The following ITGAV variants were observed in gnomAD, a reference collection of about 807,000 sequenced individuals.
ITGAV encodes integrin subunit alpha V.
ITGAV carries 76 observed loss-of-function variants against 143.8 expected under a neutral mutation model. The observed-to-expected ratio is 0.53, with a 90% CI of 0.44 to 0.64. ITGAV has a LOEUF of 0.64. ITGAV is among the 30% of genes least tolerant of loss of function. The pLI, the probability that ITGAV is intolerant of heterozygous loss-of-function variation, is 0.00. For missense variants in ITGAV, 1,193 were observed against 1,274.7 expected, an observed-to-expected ratio of 0.94 and a Z score of 0.98; for synonymous variants, 453 against 446.7, an observed-to-expected ratio of 1.01 and a Z score of -0.18.
chr2:186,626,969 T>G (rs935810509), intron 4 of ITGAV, among the ~76,000 whole-genome samples: 1 of 152,204 alleles, frequency 6.6e-6, no homozygotes, highest in Non-Finnish European at 1.5e-5. Context: ...AAGATAATTT[T>G]ATAGCTACGA....
chr2:186,611,359 T>G (rs1687211593), intron 2 of ITGAV, among the ~76,000 whole-genome samples: 1 of 152,178 alleles, frequency 6.6e-6, no homozygotes, highest in Non-Finnish European at 1.5e-5. Context: ...CACAGTGCCC[T>G]TTTATGTATT....
At chr2:186,629,124 T>C (rs1408392971) in intron 4 of ITGAV, among the ~76,000 whole-genome samples, 4 of 152,096 alleles carry the variant, frequency 2.6e-5, no homozygotes, top group African/African-American at 7.2e-5. Context: ...ATAATATTAC[T>C]ATTTGTAATA....
intron 14 of ITGAV, among the ~76,000 whole-genome samples, chr2:186,650,900 C>G (rs1490332994): frequency 3.3e-5 from 5 of 152,140 alleles, no homozygotes; most frequent in Non-Finnish European, 2.9e-5. Context: ...TAGTTTTAAT[C>G]TCTCTAAAAA....
chr2:186,621,998 A>G (rs781049486), intron 2 of ITGAV, among the ~76,000 whole-genome samples: 6 of 152,164 alleles, frequency 3.9e-5, no homozygotes, highest in Non-Finnish European at 7.4e-5. Flanking sequence ...GCCCCACCGA[A>G]AGATCTTCTG....
chr2:186,638,623 C>T (rs1688015128), intron 10 of ITGAV, among the ~76,000 whole-genome samples, 158 bp downstream of exon 10: 2 of 125,644 alleles, frequency 1.6e-5, no homozygotes, highest in Non-Finnish European at 3.4e-5. Flanking sequence ...TATCATTTCT[C>T]TTTTGAGCGT....
intron 2 of ITGAV, among the ~76,000 whole-genome samples, chr2:186,605,988 T>C (rs867076187): frequency 3.3e-5 from 5 of 152,076 alleles, no homozygotes; most frequent in African/African-American, 9.6e-5. Context: ...AGACTTCATT[T>C]TTTTACATTA....
In ITGAV at chr2:186,638,469, T is replaced by G. The variant is rs552005760; in HGVS notation, c.903+4T>G. The G allele has an allele frequency of 1.9e-6, 3 of 1,608,252 alleles. No individual in the cohort carries two copies. Among genetic ancestry groups the G allele is most frequent in the South Asian group, 2.2e-5 (2 of 90,872 alleles). On this transcript the variant is annotated splice_donor_region_variant and intron_variant, in intron 10 of 29. Transcript: ENST00000261023. ...ATACAATTTTACTGGCGAGCAGGTA[T>G]GCTTCCAAAATATGATCGTCCTCTC... is the stretch of plus-strand genomic sequence containing the variant.
intron 5 of ITGAV, among the ~76,000 whole-genome samples, chr2:186,632,731 C>G (rs1030254333): frequency 6.6e-6 from 1 of 151,826 alleles, no homozygotes; most frequent in African/African-American, 2.4e-5. Context: ...AGAAAATTTG[C>G]TGTATAGTCA....
intron 26 of ITGAV, among the ~76,000 whole-genome samples, chr2:186,671,426 A>G (rs755253454): frequency 2.0e-5 from 3 of 151,944 alleles, no homozygotes; most frequent in Non-Finnish European, 2.9e-5. Context: ...TTGCTCTTCC[A>G]TCTGCCTGGA....
At chr2:186,631,013 G>A (rs1223419633) in intron 5 of ITGAV, among the ~76,000 whole-genome samples, 155 bp downstream of exon 5, 4 of 151,994 alleles carry the variant, frequency 2.6e-5, no homozygotes, top group Non-Finnish European at 5.9e-5. Flanking sequence ...GACATTCTTT[G>A]TCTTATATTA....
chr2:186,650,342 A>C (rs1688390084), intron 14 of ITGAV, among the ~76,000 whole-genome samples: 1 of 152,076 alleles, frequency 6.6e-6, no homozygotes. Context: ...GTGGGGTTAC[A>C]GGCACATGCT....
chr2:186,664,679 A>T, intron 20 of ITGAV, 38 bp downstream of exon 20: 1 of 1,612,668 alleles, frequency 6.2e-7, no homozygotes, highest in Non-Finnish European at 8.5e-7. Context: ...AAATGCACTC[A>T]CGGATCTTAT....
chr2:186,623,852 C>T (rs1030647508), intron 3 of ITGAV, among the ~76,000 whole-genome samples: 1 of 152,144 alleles, frequency 6.6e-6, no homozygotes, highest in Non-Finnish European at 1.5e-5. Context: ...GCTATTTCTA[C>T]CCTGCAACAA....
In ITGAV at chr2:186,676,942, A is replaced by C; in HGVS notation, c.3051+7A>C. ...GGTATTTGTAATGTACAGGGTAAGTAACGGACTTAGAAAGAAGGAGAGAGG... is the reference window on the plus strand; with the variant it reads ...GGTATTTGTAATGTACAGGGTAAGTCACGGACTTAGAAAGAAGGAGAGAGG... On this transcript the variant is annotated splice_region_variant and intron_variant, in intron 29 of 29. Coordinates refer to ENST00000261023, the MANE Select transcript of ITGAV (RefSeq NM_002210.5). 8 of 1,612,414 alleles carry C rather than the reference A, an allele frequency of 5.0e-6. No homozygotes were observed. The highest frequency in any genetic ancestry group is 6.8e-6 in the Non-Finnish European group (8 of 1,179,374).
intron 1 of ITGAV, among the ~76,000 whole-genome samples, chr2:186,596,589 G>C (rs1686755527): frequency 6.6e-6 from 1 of 151,872 alleles, no homozygotes; most frequent in Non-Finnish European, 1.5e-5. Context: ...AGTAGAGATG[G>C]GGTTTCACCA....
chr2:186,658,990 A>C (rs200135557), intron 17 of ITGAV, 48 bp from the exon 18 acceptor site: 82 of 1,484,504 alleles, frequency 5.5e-5, no homozygotes, highest in Admixed American at 2.6e-4. Context: ...ATTTCTCCAG[A>C]TAATTTAGGT....
At position 186,676,954 on chromosome 2, in the gene ITGAV, A is replaced by C; in HGVS notation, c.3051+19A>C. The C allele has an allele frequency of 6.2e-7, 1 of 1,604,614 alleles. No individual in the cohort carries two copies. Among genetic ancestry groups the C allele is most frequent in the Non-Finnish European group, 8.5e-7 (1 of 1,177,256 alleles). The stretch of plus-strand genomic sequence containing the variant: ...GTACAGGGTAAGTAACGGACTTAGA[A>C]AGAAGGAGAGAGGGAAAGCAGAAGA... On this transcript the variant is annotated intron_variant, in intron 29 of 29. Transcript: ENST00000261023.
Position 186,665,129 on chromosome 2 carries a change from T to C in ITGAV, c.2077T>C (p.Leu693=). Residue 693 remains leucine, a synonymous_variant, in exon 21 of 30, where the codon TTA becomes CTA. Transcript: ENST00000261023. ...FIGVVRNNEA[L]ARLSCAFKTE... ...TTTTTTTTTTGGTCTATCAAAGGCC[T>C]TAGCAAGACTTTCCTGTGCATTTAA... 6.3e-7 allele frequency: 1 copy of C among 1,594,540 alleles called. No homozygotes were observed. The highest frequency in any genetic ancestry group is 8.6e-7 in the Non-Finnish European group (1 of 1,167,462).
chr2:186,653,028 C>T (rs984422068), intron 15 of ITGAV, among the ~76,000 whole-genome samples: 2 of 147,824 alleles, frequency 1.4e-5, no homozygotes, highest in African/African-American at 5.0e-5. Context: ...TCACTGCAAG[C>T]TCCGCTTCCC....
Sources: gnomAD v4.1 joint callset for allele counts (sites outside exome capture counted in the v4.1 genomes callset) on GRCh38, gnomAD v4.1.1 for gene constraint, MANE v1.5 for transcripts, NCBI Gene and HGNC (gene_info 2026-07-23, HGNC 2026-07-21) for gene names.